The following ARAP2 variants were observed in gnomAD, a reference collection of about 807,000 sequenced individuals.
ARAP2 encodes arf-GAP with Rho-GAP domain, ANK repeat and PH domain-containing protein 2.
In ARAP2, 148 loss-of-function variants were observed where a neutral mutation model predicts 194.5. The ratio of observed to expected loss-of-function variants is 0.76; its 90% confidence interval spans 0.67 to 0.87. ARAP2 has a LOEUF of 0.87. ARAP2 is among the 40% of genes least tolerant of loss of function. The pLI is 0.00. For synonymous variants in ARAP2, 695 were observed against 683.5 expected, an observed-to-expected ratio of 1.02 and a Z score of -0.26; for missense variants, 2,128 against 1,989.7, an observed-to-expected ratio of 1.07 and a Z score of -1.32.
chr4:36,074,903 A>G (rs1727887300), intron 31 of ARAP2, among the ~76,000 whole-genome samples: 2 of 152,118 alleles, frequency 1.3e-5, no homozygotes, highest in South Asian at 2.1e-4. Flanking sequence ...CAATGTACAT[A>G]TAATTTTCAT....
chr4:36,053,917 T>C (rs887818837), intron 2 of ARAP2, among the ~76,000 whole-genome samples: 2 of 152,226 alleles, frequency 1.3e-5, no homozygotes, highest in Non-Finnish European at 2.9e-5. Context: ...ACCAGCCGTG[T>C]AGTAGATACA....
rs147998291 is a variant in ARAP2, at chr4:36,056,683, G to C, written n.321+1287C>G. ...TACCACCTTACTACTATTGTTTTCA[G>C]TGTGACCTGTTTTTGTCCCTTTTTC... On this transcript the variant is annotated intron_variant and non_coding_transcript_variant, in intron 2 of 12. Coordinates refer to the ARAP2 transcript ENST00000503225. Among the ~76,000 whole-genome samples the C allele has an allele frequency of 2.4e-3, 369 of 152,158 alleles. 2 individuals carry two copies. The highest frequency in any genetic ancestry group is 3.8e-3 in the Non-Finnish European group (261 of 67,976).
At chr4:36,213,951 T>C (rs1747347891) in intron 3 of ARAP2, among the ~76,000 whole-genome samples, 1 of 152,316 alleles carries the variant, frequency 6.6e-6, no homozygotes, top group African/African-American at 2.4e-5. Context: ...AGTACCCAAG[T>C]GTTTGACATC....
At chr4:36,228,050 T>C (rs1284619223) in intron 2 of ARAP2, among the ~76,000 whole-genome samples, 2 of 152,128 alleles carry the variant, frequency 1.3e-5, no homozygotes, top group African/African-American at 4.8e-5. Context: ...TCTTTTTACA[T>C]GTGACTTCTA....
At chr4:36,211,025 C>T (rs1746638872) in intron 5 of ARAP2, among the ~76,000 whole-genome samples, 1 of 152,066 alleles carries the variant, frequency 6.6e-6, no homozygotes, top group Non-Finnish European at 1.5e-5. Flanking sequence ...GCTAAGAATG[C>T]AGACTGGGTA....
intron 9 of ARAP2, among the ~76,000 whole-genome samples, chr4:36,169,723 G>A (rs990276810): frequency 4.6e-5 from 7 of 151,980 alleles, no homozygotes; most frequent in Admixed American, 1.3e-4. Context: ...TAGTAGAGAC[G>A]GGGTTTCACC....
intron 8 of ARAP2, among the ~76,000 whole-genome samples, chr4:36,183,176 G>C (rs187238388): frequency 1.3e-5 from 2 of 152,150 alleles, no homozygotes; most frequent in Admixed American, 6.5e-5. Flanking sequence ...TAAGTAAAGG[G>C]ATAGTAAATG....
At chr4:36,165,260 T>A in intron 10 of ARAP2, 147 bp from the exon 11 acceptor site, 2 of 706,952 alleles carry the variant, frequency 2.8e-6, no homozygotes, top group Non-Finnish European at 2.3e-6. Context: ...TCTTTTCTGT[T>A]AAAAATCATT....
chr4:36,018,861 A>T (rs965138427), intron 6 of ARAP2, among the ~76,000 whole-genome samples: 6 of 152,018 alleles, frequency 3.9e-5, no homozygotes, highest in Non-Finnish European at 8.8e-5. Context: ...TTCTCTTTCC[A>T]CCTTCCTGTT....
chr4:36,111,747 C>T (rs1720047002), intron 26 of ARAP2, among the ~76,000 whole-genome samples: 1 of 151,894 alleles, frequency 6.6e-6, no homozygotes, highest in Admixed American at 6.6e-5. Flanking sequence ...AATTTCAAAA[C>T]AATGTTTCTT....
intron 27 of ARAP2, among the ~76,000 whole-genome samples, chr4:36,106,195 A>G (rs903945758): frequency 2.0e-5 from 3 of 151,900 alleles, no homozygotes; most frequent in Non-Finnish European, 2.9e-5. Context: ...GAAAGCCACT[A>G]CTTTATGACA....
chr4:36,154,205 C>A lies in ARAP2; in HGVS notation c.2753-3161G>T, dbSNP rs959392780. ...TAAGACAAAACTATTATTTTTGAAA[C>A]TATGAATTTGCTTCATGTTGAGGAA... On this transcript the variant is annotated intron_variant, in intron 15 of 32. Coordinates refer to ENST00000303965, the MANE Select transcript of ARAP2 (RefSeq NM_015230.4). Among the ~76,000 whole-genome samples, 4 of 152,218 alleles carry A rather than the reference C, an allele frequency of 2.6e-5. No homozygotes were observed. In the East Asian group the frequency reaches 7.7e-4, roughly 29 times the overall value.
intron 25 of ARAP2, among the ~76,000 whole-genome samples, chr4:36,114,992 T>C (rs570161395): frequency 2.6e-5 from 4 of 152,184 alleles, no homozygotes; most frequent in South Asian, 4.1e-4. Context: ...AATGGCTTTC[T>C]TCAATTAGAA....
chr4:36,033,478 A>C (rs145186058), intron 5 of ARAP2, among the ~76,000 whole-genome samples: 8 of 131,402 alleles, frequency 6.1e-5, no homozygotes, highest in Admixed American at 1.8e-4. Flanking sequence ...TCCTTTGCCA[A>C]CTTTTCAATG....
chr4:36,022,221 G>A (rs1717082884), intron 5 of ARAP2, among the ~76,000 whole-genome samples: 1 of 152,138 alleles, frequency 6.6e-6, no homozygotes, highest in African/African-American at 2.4e-5. Context: ...ACTGCTCTCT[G>A]CAATTGGGAT....
rs1713821624 is a variant in ARAP2, at chr4:36,092,075, T to C, written c.4286-55A>G. 5 of 1,472,150 alleles carry C rather than the reference T, an allele frequency of 3.4e-6. No individual in the cohort carries two copies. In the Admixed American group the frequency reaches 6.5e-5, roughly 19 times the overall value. 91.2% of individuals were successfully genotyped at this position (1,472,150 alleles called of 1,614,324 possible). ...TGGGTACGTTTTTACTTATTTGAAATACAATACAAAACATTTCTATATTGT... is the reference window on the plus strand; with the variant it reads ...TGGGTACGTTTTTACTTATTTGAAACACAATACAAAACATTTCTATATTGT... On this transcript the variant is annotated intron_variant, in intron 27 of 32. Transcript: ENST00000303965.
At chr4:36,056,728 A>C (rs1199614068) in intron 2 of ARAP2, among the ~76,000 whole-genome samples, 2 of 151,964 alleles carry the variant, frequency 1.3e-5, no homozygotes, top group East Asian at 3.9e-4. Context: ...ACTTTGAATT[A>C]CTAAAATATA....
At position 36,068,221 on chromosome 4, in the gene ARAP2, C is replaced by A. The variant is rs373372334; in HGVS notation, c.4801G>T (p.Val1601Leu). The A allele has an allele frequency of 1.9e-6, 3 of 1,607,344 alleles. No homozygotes were observed. Among genetic ancestry groups the A allele is most frequent in the South Asian group, 2.2e-5 (2 of 89,846 alleles). ...GCTCTCTCCTTTAAGCTAGAGTCCACGGACTCTTTATCACACTTTTCACTG... is the reference window on the plus strand; with the variant it reads ...GCTCTCTCCTTTAAGCTAGAGTCCAAGGACTCTTTATCACACTTTTCACTG... ...RLSEKCDKES[V>L]DSSLKERASM... The change falls in exon 33 of 33, where the codon GTG becomes TTG. Residue 1601 changes from valine (V) to leucine (L), a missense_variant. Coordinates refer to ENST00000303965, the MANE Select transcript of ARAP2 (RefSeq NM_015230.4).
intron 10 of ARAP2, among the ~76,000 whole-genome samples, chr4:36,165,438 T>C (rs934858367): frequency 4.6e-5 from 7 of 152,200 alleles, no homozygotes; most frequent in Non-Finnish European, 1.0e-4. Context: ...TATGTAATCA[T>C]CAATAAGAGG....
Sources: gnomAD v4.1 joint callset for allele counts (sites outside exome capture counted in the v4.1 genomes callset) on GRCh38, gnomAD v4.1.1 for gene constraint, MANE v1.5 for transcripts, NCBI Gene and HGNC (gene_info 2026-07-23, HGNC 2026-07-21) for gene names.